The following SNX29 variants were observed in gnomAD, a reference collection of about 807,000 sequenced individuals.
The protein encoded by SNX29 is sorting nexin-29.
Under a neutral mutation model 102.1 loss-of-function variants are expected in SNX29, and 78 were observed. That is an observed-to-expected ratio of 0.76 (90% confidence interval 0.64 to 0.92). The LOEUF (loss-of-function observed/expected upper bound fraction) is 0.92. SNX29 is among the 40% of genes least tolerant of loss of function. The pLI is 0.00. For missense variants in SNX29, 1,280 were observed against 1,061.7 expected (o/e 1.21, Z -2.86); for synonymous variants, 580 against 414.5 (o/e 1.40, Z -4.85).
intron 4 of SNX29, among the ~76,000 whole-genome samples, chr16:12,035,971 G>A (rs997369043): frequency 1.3e-5 from 2 of 152,188 alleles, no homozygotes; most frequent in African/African-American, 4.8e-5. Flanking sequence ...GAGTTCAAAA[G>A]GTTGGAGATT....
At chr16:12,217,854 G>T (rs189741263) in intron 14 of SNX29, among the ~76,000 whole-genome samples, 3 of 152,190 alleles carry the variant, frequency 2.0e-5, no homozygotes, top group Non-Finnish European at 4.4e-5. Flanking sequence ...TCTATAAAAC[G>T]TGGATGGTAA....
At chr16:12,256,450 C>G (rs1457185432) in intron 14 of SNX29, among the ~76,000 whole-genome samples, 1 of 152,146 alleles carries the variant, frequency 6.6e-6, no homozygotes, top group Non-Finnish European at 1.5e-5. Flanking sequence ...GCCTCAGCTT[C>G]CTGAATAGCT....
chr16:12,287,047 C>T (rs1228097946), intron 15 of SNX29, among the ~76,000 whole-genome samples: 1 of 152,324 alleles, frequency 6.6e-6, no homozygotes, highest in African/African-American at 2.4e-5. Context: ...CACTCTTTCT[C>T]CTTCCCAGCT....
chr16:12,294,904 A>G (rs569821707), intron 15 of SNX29, among the ~76,000 whole-genome samples: 1 of 152,156 alleles, frequency 6.6e-6, no homozygotes, highest in Non-Finnish European at 1.5e-5. Context: ...TTAAAAAAAA[A>G]AGGCTTAATG....
intron 1 of SNX29, among the ~76,000 whole-genome samples, chr16:11,986,175 C>A (rs904384632): frequency 6.6e-6 from 1 of 151,924 alleles, no homozygotes; most frequent in South Asian, 2.1e-4. Context: ...CAGTTTGAAT[C>A]CTGCAAGGGG....
At chr16:12,311,541 C>G (rs561001728) in intron 15 of SNX29, among the ~76,000 whole-genome samples, 1 of 152,254 alleles carries the variant, frequency 6.6e-6, no homozygotes, top group Non-Finnish European at 1.5e-5. Context: ...TTGCAGCTCC[C>G]TCTGCCTGAA....
intron 20 of SNX29, among the ~76,000 whole-genome samples, chr16:12,560,250 TAAA>T (rs2078647027): frequency 6.6e-6 from 1 of 151,584 alleles, no homozygotes; most frequent in South Asian, 2.1e-4. Context: ...GCCTGAAGCT[TAAA>T]AATATCAGGA....
At chr16:12,068,539 A>G (rs1357743782) in intron 9 of SNX29, among the ~76,000 whole-genome samples, 2 of 150,548 alleles carry the variant, frequency 1.3e-5, no homozygotes, top group East Asian at 3.9e-4. Context: ...AAGGGGAAGT[A>G]TAGGGCTTTT....
chr16:12,558,672 C>T (rs1342038242), intron 20 of SNX29, among the ~76,000 whole-genome samples: 6 of 152,220 alleles, frequency 3.9e-5, no homozygotes, highest in Non-Finnish European at 7.3e-5. Context: ...CCTGCTGGTC[C>T]TTGTGGCTGG....
Position 12,419,122 on chromosome 16 carries a change from G to T in SNX29, c.2037+15593G>T, listed in dbSNP as rs150140180. Among the ~76,000 whole-genome samples the T allele has an allele frequency of 3.3e-4, 51 of 152,280 alleles. 1 individual carries two copies. In the South Asian group the frequency reaches 4.2e-3, roughly 12 times the overall value. Reference sequence around the variant, plus strand: ...CACCGTTGAGAAACCCTTGTCTCTAGTCAACAGTGTAAGCATTGTTTAGTT... The same window carrying T: ...CACCGTTGAGAAACCCTTGTCTCTATTCAACAGTGTAAGCATTGTTTAGTT... On this transcript the variant is annotated intron_variant, in intron 18 of 20. Transcript: ENST00000566228.
At chr16:12,262,271 G>T (rs1260374999) in intron 14 of SNX29, among the ~76,000 whole-genome samples, 1 of 152,186 alleles carries the variant, frequency 6.6e-6, no homozygotes, top group African/African-American at 2.4e-5. Context: ...TCTTCCCCTT[G>T]GTTTGATAAA....
At chr16:12,380,005 A>T (rs908948292) in intron 16 of SNX29, among the ~76,000 whole-genome samples, 24 of 152,092 alleles carry the variant, frequency 1.6e-4, no homozygotes, top group Admixed American at 1.2e-3. Context: ...CAGGAGGCAG[A>T]TTCTGGTATA....
rs2079125527 is a variant in SNX29, at chr16:12,568,970, T to TGGTTGAGAGGCAAAG, written c.*343_*357dup. The TGGTTGAGAGGCAAAG allele has an allele frequency of 8.4e-6, 3 of 356,788 alleles. No homozygotes were observed. The highest frequency in any genetic ancestry group is 9.8e-5 in the East Asian group (2 of 20,486). The allele number at this position is 356,788 out of a possible 1,614,324, so 22.1% of individuals were successfully genotyped here. On this transcript the variant is annotated 3_prime_UTR_variant, in exon 21 of 21. Coordinates refer to ENST00000566228, the MANE Select transcript of SNX29 (RefSeq NM_032167.5). ...GCACCAGGTCAGGCTGGGTGCGCCATGGTTGAGAGGCAAAGGTGATCCCCT... is the reference window on the plus strand; with the variant it reads ...GCACCAGGTCAGGCTGGGTGCGCCATGGTTGAGAGGCAAAGGGTTGAGAGGCAAAGGTGATCCCCT...
chr16:12,487,548 C>G (rs1191435211), intron 19 of SNX29, among the ~76,000 whole-genome samples: 1 of 152,142 alleles, frequency 6.6e-6, no homozygotes, highest in Non-Finnish European at 1.5e-5. Context: ...CTGCAAATGC[C>G]GCCGCACCAC....
chr16:12,543,957 T>TG (rs916559008), intron 20 of SNX29, among the ~76,000 whole-genome samples: 4 of 152,220 alleles, frequency 2.6e-5, no homozygotes, highest in Non-Finnish European at 5.9e-5. Flanking sequence ...GGAGCCTATC[T>TG]GCTGGGAGAA....
At chr16:12,142,008 A>G (rs935223836) in intron 13 of SNX29, among the ~76,000 whole-genome samples, 1 of 152,166 alleles carries the variant, frequency 6.6e-6, no homozygotes, top group Non-Finnish European at 1.5e-5. Context: ...AATAGCACTC[A>G]TCATCCTCGT....
chr16:12,170,862 G>A (rs965311925), intron 13 of SNX29, among the ~76,000 whole-genome samples: 46 of 151,340 alleles, frequency 3.0e-4, no homozygotes, highest in Admixed American at 1.2e-3. Context: ...GTGTCTGTGC[G>A]CGCGCGCGTG....
intron 10 of SNX29, among the ~76,000 whole-genome samples, chr16:12,069,621 A>G (rs2051196944): frequency 6.6e-6 from 1 of 152,060 alleles, no homozygotes; most frequent in Non-Finnish European, 1.5e-5. Flanking sequence ...CCTCAGAGAG[A>G]CTGTATAAGA....
At chr16:12,251,062 G>A (rs549225974) in intron 14 of SNX29, among the ~76,000 whole-genome samples, 15 of 152,220 alleles carry the variant, frequency 9.9e-5, no homozygotes, top group Non-Finnish European at 1.6e-4. Flanking sequence ...GCCAGGCTGC[G>A]CAGGACATCA....
Sources: gnomAD v4.1 joint callset for allele counts (sites outside exome capture counted in the v4.1 genomes callset) on GRCh38, gnomAD v4.1.1 for gene constraint, MANE v1.5 for transcripts, NCBI Gene and HGNC (gene_info 2026-07-23, HGNC 2026-07-21) for gene names.